Variants in HYDIN observed in about 807,000 individuals in gnomAD.
HYDIN encodes the protein axonemal central pair apparatus protein HYDIN.
HYDIN carries 132 observed loss-of-function variants against 403.9 expected under a neutral mutation model. The ratio of observed to expected loss-of-function variants is 0.33; its 90% CI spans 0.28 to 0.38. The LOEUF is 0.38. HYDIN is among the 10% of genes least tolerant of loss of function. The pLI, the probability that HYDIN is intolerant of heterozygous loss-of-function variation, is 1.00. For missense variants in HYDIN, 2,827 were observed against 5,009.5 expected, an observed-to-expected ratio of 0.56 and a Z score of 13.15; for synonymous variants, 1,202 against 1,891.7, an observed-to-expected ratio of 0.64 and a Z score of 9.46.
chr16:71,212,835 G>A (rs890013014), intron 1 of HYDIN, among the ~76,000 whole-genome samples: 2 of 151,996 alleles, frequency 1.3e-5, no homozygotes, highest in Admixed American at 6.6e-5. Context: ...GAAGATTCAA[G>A]AAGCTCAAAA....
intron 9 of HYDIN, among the ~76,000 whole-genome samples, chr16:71,127,015 T>C (rs2144505092): frequency 6.6e-6 from 1 of 152,254 alleles, no homozygotes; most frequent in South Asian, 2.1e-4. Context: ...AAGATTATAG[T>C]ACTTTCACAA....
At chr16:70,940,397 G>C (rs1169624599) in intron 43 of HYDIN, among the ~76,000 whole-genome samples, 6 of 151,952 alleles carry the variant, frequency 3.9e-5, no homozygotes, top group African/African-American at 1.2e-4. Context: ...CCGTTGTAGA[G>C]ATTAAATAAG....
chr16:71,216,166 G>C lies in HYDIN; in HGVS notation c.-24+14396C>G, dbSNP rs193269044. On this transcript the variant is annotated intron_variant, in intron 1 of 85. Coordinates refer to ENST00000393567, the MANE Select transcript of HYDIN (RefSeq NM_001270974.2). ...GCACATGCTACAGAGATATGAGTAA[G>C]ACTGTTCATAGCAGTGTTATTCATA... Among the ~76,000 whole-genome samples, 335 of 152,312 alleles carry C rather than the reference G, an allele frequency of 2.2e-3. 1 individual carries two copies. Among genetic ancestry groups the C allele is most frequent in the Non-Finnish European group, 3.7e-3 (255 of 68,012 alleles).
chr16:70,872,912 C>T (rs1375623581), intron 64 of HYDIN, among the ~76,000 whole-genome samples: 1 of 143,562 alleles, frequency 7.0e-6, no homozygotes, highest in African/African-American at 2.6e-5. Context: ...TCTACCTACC[C>T]ACTCACCCAT....
At chr16:70,926,873 G>T (rs1269612261) in intron 45 of HYDIN, among the ~76,000 whole-genome samples, 1 of 152,110 alleles carries the variant, frequency 6.6e-6, no homozygotes, top group Non-Finnish European at 1.5e-5. Context: ...AGTTTGAATA[G>T]CAGGTTAGAC....
chr16:70,907,582 G>C (rs1235098171), intron 49 of HYDIN, 91 bp from the exon 50 acceptor site: 1 of 339,056 alleles, frequency 2.9e-6, no homozygotes, highest in Non-Finnish European at 5.3e-6. Context: ...AATATTCCCT[G>C]CTCAACACGG....
chr16:71,206,297 A>G (rs1170209703), intron 1 of HYDIN, among the ~76,000 whole-genome samples: 1 of 152,228 alleles, frequency 6.6e-6, no homozygotes, highest in South Asian at 2.1e-4. Context: ...AAAAGAAAGC[A>G]GACACAGAGA....
intron 67 of HYDIN, among the ~76,000 whole-genome samples, chr16:70,864,838 C>T (rs1168061716): frequency 3.3e-5 from 5 of 152,164 alleles, no homozygotes; most frequent in Non-Finnish European, 7.3e-5. Flanking sequence ...TCTGCAATGA[C>T]TCAGCTCTGC....
At chr16:70,934,374 T>C (rs1293048084) in intron 45 of HYDIN, among the ~76,000 whole-genome samples, 1 of 151,900 alleles carries the variant, frequency 6.6e-6, no homozygotes, top group African/African-American at 2.4e-5. Flanking sequence ...CTTGAGAACA[T>C]CTTCAAAGCC....
chr16:70,872,078 A>G lies in HYDIN; in HGVS notation c.11050T>C (p.Phe3684Leu), dbSNP rs755677481. 11 of 1,564,768 alleles carry G rather than the reference A, an allele frequency of 7.0e-6. No individual in the cohort carries two copies. The African/African-American group carries it at 1.4e-4, about 20-fold the overall frequency. ...ATTGTAGCTGAAACAGGCCATTCAA[A>G]CCGTATCAAGTTCACTTGGCTGTGA... ...TNHSQVNLIRFEWPVSATIAF... is the reference protein window; with the variant it reads ...TNHSQVNLIRLEWPVSATIAF... The change falls in exon 65 of 86, where the codon TTT becomes CTT. Residue 3684 changes from phenylalanine to leucine, a missense_variant. Coordinates refer to ENST00000393567, the MANE Select transcript of HYDIN (RefSeq NM_001270974.2).
chr16:70,950,758 A>G (rs2078040536), intron 41 of HYDIN, among the ~76,000 whole-genome samples: 1 of 151,982 alleles, frequency 6.6e-6, no homozygotes, highest in Admixed American at 6.5e-5. Flanking sequence ...ATCCACCCTT[A>G]ACCCTTCCTG....
chr16:71,217,587 T>G (rs1454866547), intron 1 of HYDIN, among the ~76,000 whole-genome samples: 2 of 152,198 alleles, frequency 1.3e-5, no homozygotes, highest in Non-Finnish European at 2.9e-5. Flanking sequence ...ACAGTTCCTA[T>G]GCAGATGAGA....
Position 70,902,821 on chromosome 16 carries a change from A to ATTTTTTTTTT in HYDIN, c.8849+794_8849+803dup, listed in dbSNP as rs60618592. Among the ~76,000 whole-genome samples, 151 of 47,208 alleles carry ATTTTTTTTTT rather than the reference A, an allele frequency of 3.2e-3. 6 individuals are homozygous for ATTTTTTTTTT. In the Admixed American group the frequency reaches 0.033, roughly 10 times the overall value. 31.0% of individuals were successfully genotyped at this position (47,208 alleles called of 152,430 possible). On this transcript the variant is annotated intron_variant, in intron 52 of 85. Coordinates refer to ENST00000393567, the MANE Select transcript of HYDIN (RefSeq NM_001270974.2). ...TATATATATATATATATATATATATATTTTTTTTTTTTTTTTTGTCCCACT... is the reference window on the plus strand; with the variant it reads ...TATATATATATATATATATATATATATTTTTTTTTTTTTTTTTTTTTTTTTTTGTCCCACT...
intron 60 of HYDIN, among the ~76,000 whole-genome samples, chr16:70,880,224 A>G (rs62048922): frequency 7.6e-6 from 1 of 131,386 alleles, no homozygotes; most frequent in Non-Finnish European, 1.6e-5. Context: ...ATGCCCAGCT[A>G]ATTTTTTTTT....
chr16:70,831,529 CAA>C, intron 80 of HYDIN, among the ~76,000 whole-genome samples: 1 of 91,548 alleles, frequency 1.1e-5, no homozygotes, highest in Non-Finnish European at 2.3e-5. Context: ...AAAAAAAAAC[CAA>C]AAAAAAAAAA....
chr16:70,812,312 A>G (rs1488032280), intron 84 of HYDIN, among the ~76,000 whole-genome samples: 1 of 148,178 alleles, frequency 6.7e-6, no homozygotes, highest in Non-Finnish European at 1.5e-5. Flanking sequence ...CAACATGGTG[A>G]AACCCTGTCT....
intron 41 of HYDIN, among the ~76,000 whole-genome samples, chr16:70,944,837 C>T (rs1198022330): frequency 2.6e-5 from 4 of 152,206 alleles, no homozygotes; most frequent in Admixed American, 6.5e-5. Context: ...ACTGCAACCT[C>T]CGCCTCTCGG....
chr16:71,193,654 G>A (rs2087546376), intron 1 of HYDIN, among the ~76,000 whole-genome samples: 2 of 152,172 alleles, frequency 1.3e-5, no homozygotes, highest in South Asian at 4.1e-4. Context: ...CAAATTTAGA[G>A]TAGACTGCAG....
intron 12 of HYDIN, chr16:71,080,788 G>GAGAA (rs1300384441): frequency 6.9e-6 from 1 of 144,838 alleles, no homozygotes; most frequent in African/African-American, 2.6e-5. Flanking sequence ...TTAAGATGAG[G>GAGAA]AGATTATCCT....
Sources: allele counts gnomAD v4.1 joint callset (sites outside exome capture counted in the v4.1 genomes callset), GRCh38; gene constraint gnomAD v4.1.1; transcripts MANE v1.5; gene names NCBI Gene and HGNC (gene_info 2026-07-23, HGNC 2026-07-21).